The following MIA2 variants were observed in gnomAD, a reference collection of about 807,000 sequenced individuals.
The protein encoded by MIA2 is melanoma inhibitory activity protein 2.
A neutral mutation model predicts 167.8 loss-of-function variants in MIA2; 127 were observed. The ratio of observed to expected loss-of-function variants is 0.76; its 90% confidence interval spans 0.66 to 0.88. The LOEUF is 0.88. MIA2 is among the 40% of genes least tolerant of loss of function. The pLI is 0.00. For synonymous variants in MIA2, 552 were observed against 541.9 expected, an observed-to-expected ratio of 1.02 and a Z score of -0.26; for missense variants, 1,690 against 1,624.7, an observed-to-expected ratio of 1.04 and a Z score of -0.69.
intron 6 of MIA2, among the ~76,000 whole-genome samples, chr14:39,268,854 TAGA>T (rs1401238340): frequency 3.3e-5 from 5 of 152,174 alleles, no homozygotes; most frequent in African/African-American, 1.2e-4. Flanking sequence ...AGAAGGAATC[TAGA>T]AGGACTCCCA....
At chr14:39,235,321 T>A (rs1320914724) in intron 1 of MIA2, among the ~76,000 whole-genome samples, 1 of 152,166 alleles carries the variant, frequency 6.6e-6, no homozygotes, top group Non-Finnish European at 1.5e-5. Context: ...CATGCCCAGC[T>A]GTGAGAATTA....
intron 21 of MIA2, 90 bp downstream of exon 21, chr14:39,315,808 T>C: frequency 3.6e-6 from 3 of 836,842 alleles, no homozygotes; most frequent in Non-Finnish European, 5.5e-6. Flanking sequence ...TGAAAATAAA[T>C]ATAGTATTCT....
chr14:39,255,001 T>G (rs1055017338), intron 6 of MIA2, among the ~76,000 whole-genome samples: 1 of 152,194 alleles, frequency 6.6e-6, no homozygotes, highest in African/African-American at 2.4e-5. Flanking sequence ...GGTTTCTAGC[T>G]TGGGGGACCT....
rs758146593 is a variant in MIA2 at position 39,313,317 on chromosome 14, T to G, written c.3018-23T>G. 5 of 1,273,720 alleles carry G rather than the reference T, an allele frequency of 3.9e-6. No homozygotes were observed. The East Asian group carries it at 1.2e-4, about 30-fold the overall frequency. 78.9% of individuals were successfully genotyped at this position (1,273,720 alleles called of 1,614,324 possible). On this transcript the variant is annotated intron_variant, in intron 18 of 28. Coordinates refer to ENST00000640607, the MANE Select transcript of MIA2 (RefSeq NM_001329214.4). ...TATCTTTTGACATGTATTAAGAGAATTATAACATTTTTTGTTTTTAAGGAA... is the reference window on the plus strand; with the variant it reads ...TATCTTTTGACATGTATTAAGAGAAGTATAACATTTTTTGTTTTTAAGGAA...
intron 25 of MIA2, among the ~76,000 whole-genome samples, chr14:39,343,284 G>A (rs4899227): frequency 0.57 from 86,378 of 151,858 alleles, 25,860 homozygotes; most frequent in South Asian, 0.66. Context: ...AGCTGGGATC[G>A]CAGGCCTGTG....
chr14:39,376,272 TTATC>T (rs1364618985), intron 23 of MIA2, among the ~76,000 whole-genome samples: 5 of 152,190 alleles, frequency 3.3e-5, no homozygotes, highest in Non-Finnish European at 7.4e-5. Context: ...TTACATTTCT[TTATC>T]TATAAAGTGA....
At chr14:39,360,424 T>G (rs1300178507) in intron 23 of MIA2, among the ~76,000 whole-genome samples, 5 of 152,250 alleles carry the variant, frequency 3.3e-5, no homozygotes, top group African/African-American at 1.2e-4. Context: ...TTTGAGAATT[T>G]GAATTCATGT....
chr14:39,238,194 A>T (rs1432218245), intron 2 of MIA2, among the ~76,000 whole-genome samples: 1 of 136,456 alleles, frequency 7.3e-6, no homozygotes, highest in African/African-American at 2.7e-5. Context: ...TTTTTTATTG[A>T]GACAGAGTCT....
At chr14:39,285,664 A>ATGGGGTGGCTGGCCGGGCGGGGGCAGACC (rs2059620976) in intron 9 of MIA2, among the ~76,000 whole-genome samples, 1 of 91,450 alleles carries the variant, frequency 1.1e-5, no homozygotes, top group African/African-American at 4.6e-5. Context: ...GCTGGGGCTG[A>ATGGGGTGGCTGGCCGGGCGGGGGCAGACC]CCCCCCACCT....
intron 24 of MIA2, among the ~76,000 whole-genome samples, chr14:39,322,515 T>C (rs566595306): frequency 7.4e-5 from 10 of 136,024 alleles, no homozygotes; most frequent in Non-Finnish European, 1.4e-4. Context: ...CACTCCAGCC[T>C]GGCAACAGAG....
At chr14:39,385,478 T>A in intron 23 of MIA2, 1 of 985,006 alleles carries the variant, frequency 1.0e-6, no homozygotes, top group Non-Finnish European at 1.6e-6. Flanking sequence ...CAAAATACAG[T>A]GATCTTGCTC....
At chr14:39,301,039 T>C (rs1238285306) in intron 14 of MIA2, among the ~76,000 whole-genome samples, 5 of 145,152 alleles carry the variant, frequency 3.4e-5, no homozygotes, top group African/African-American at 1.0e-4. Context: ...TACATATACA[T>C]ACACACACAC....
intron 25 of MIA2, among the ~76,000 whole-genome samples, chr14:39,342,024 A>T (rs912875006): frequency 1.1e-4 from 16 of 152,074 alleles, no homozygotes; most frequent in African/African-American, 3.6e-4. Flanking sequence ...TTTAAAAAAA[A>T]AATTTTATTA....
At chr14:39,355,908 G>C (rs552941008), downstream of MIA2, among the ~76,000 whole-genome samples, 2 of 152,190 alleles carry the variant, frequency 1.3e-5, no homozygotes, top group Admixed American at 6.5e-5. Context: ...AAGCCTATTT[G>C]ATCATGGTGG....
At chr14:39,347,176 G>C (rs764835588) in intron 26 of MIA2, among the ~76,000 whole-genome samples, 1 of 152,188 alleles carries the variant, frequency 6.6e-6, no homozygotes, top group African/African-American at 2.4e-5. Flanking sequence ...GTGGTCAGAA[G>C]CATCAGTGAC....
chr14:39,298,620 A>G (rs912481679), intron 13 of MIA2, among the ~76,000 whole-genome samples: 2 of 146,696 alleles, frequency 1.4e-5, no homozygotes, highest in Non-Finnish European at 3.0e-5. Context: ...AGAGTCAGCC[A>G]GAACAGAGTT....
Position 39,247,534 on chromosome 14 carries a change from T to G in MIA2, c.960T>G (p.Phe320Leu), listed in dbSNP as rs1214210439. 5 of 1,613,916 alleles carry G rather than the reference T, an allele frequency of 3.1e-6. No individual in the cohort carries two copies. The Admixed American group carries it at 5.0e-5, about 16-fold the overall frequency. ...GAGGATTTACAAGTTATTTAGGTTT[T>G]GGAGATGAGGATACAGGGCTTGAAT... is the stretch of plus-strand genomic sequence containing the variant. ...FGGGFTSYLGFGDEDTGLELI... is the reference protein window; with the variant it reads ...FGGGFTSYLGLGDEDTGLELI... The change falls in exon 4 of 29, where the codon TTT (phenylalanine) becomes TTG (leucine). Residue 320 changes from phenylalanine (F) to leucine (L), a missense_variant. Coordinates refer to ENST00000640607, the MANE Select transcript of MIA2 (RefSeq NM_001329214.4).
At chr14:39,267,194 G>A (rs2055919317) in intron 6 of MIA2, 9 of 1,265,444 alleles carry the variant, frequency 7.1e-6, no homozygotes, top group Non-Finnish European at 8.0e-6. Context: ...GACAGGGTAC[G>A]TCGCAGGCTT....
At chr14:39,313,489 C>T (rs1382201554) in intron 19 of MIA2, 48 bp downstream of exon 19, 3 of 1,063,930 alleles carry the variant, frequency 2.8e-6, no homozygotes, top group Non-Finnish European at 4.1e-6. Flanking sequence ...GGAAGAGTAT[C>T]TAAAAAACTT....
Sources: gnomAD v4.1 joint callset for allele counts (sites outside exome capture counted in the v4.1 genomes callset) on GRCh38, gnomAD v4.1.1 for gene constraint, MANE v1.5 for transcripts, NCBI Gene and HGNC (gene_info 2026-07-23, HGNC 2026-07-21) for gene names.